The following LIMS1 variants were observed in gnomAD, a reference collection of about 807,000 sequenced individuals.
LIMS1 encodes the protein LIM and senescent cell antigen-like-containing domain protein 1.
LIMS1 carries 18 observed loss-of-function variants against 44.1 expected under a neutral mutation model. The ratio of observed to expected loss-of-function variants is 0.41; its 90% CI spans 0.28 to 0.61. The LOEUF is 0.61. Among genes scored for constraint, LIMS1 ranks in the 20% least tolerant of loss-of-function variants. LIMS1 has a pLI of 0.32. For synonymous variants in LIMS1, 93 were observed against 149.1 expected, an observed-to-expected ratio of 0.62 and a Z score of 2.74; for missense variants, 201 against 422.0, an observed-to-expected ratio of 0.48 and a Z score of 4.59.
At chr2:108,647,736 C>G (rs1690173666) in intron 1 of LIMS1, among the ~76,000 whole-genome samples, 1 of 152,156 alleles carries the variant, frequency 6.6e-6, no homozygotes, top group Non-Finnish European at 1.5e-5. Context: ...TCAATAGATG[C>G]ACAAAAGGCC....
intron 1 of LIMS1, among the ~76,000 whole-genome samples, chr2:108,629,907 T>C (rs4676203): frequency 0.41 from 62,674 of 152,016 alleles, 14,878 homozygotes; most frequent in East Asian, 0.94. Flanking sequence ...GAAAACCAGG[T>C]GAAGGCCAGG....
intron 1 of LIMS1, among the ~76,000 whole-genome samples, chr2:108,560,849 A>G (rs1335834472): frequency 6.6e-6 from 1 of 152,160 alleles, no homozygotes; most frequent in Non-Finnish European, 1.5e-5. Flanking sequence ...ATTAATTTTA[A>G]AAACTCTTAA....
At chr2:108,549,526 CT>C (rs1347283562) in intron 1 of LIMS1, among the ~76,000 whole-genome samples, 1 of 151,696 alleles carries the variant, frequency 6.6e-6, no homozygotes, top group African/African-American at 2.4e-5. Flanking sequence ...ACAGTGTTTG[CT>C]TTCTCCATTA....
chr2:108,647,814 C>T (rs902228417), intron 1 of LIMS1, among the ~76,000 whole-genome samples: 3 of 152,114 alleles, frequency 2.0e-5, no homozygotes, highest in Non-Finnish European at 2.9e-5. Flanking sequence ...GAATGTATCT[C>T]AAAATAATAA....
chr2:108,610,650 A>G (rs952125422), intron 1 of LIMS1, among the ~76,000 whole-genome samples: 1 of 152,162 alleles, frequency 6.6e-6, no homozygotes, highest in Non-Finnish European at 1.5e-5. Context: ...AAATGTCCTC[A>G]CTTGTCCCAA....
At chr2:108,558,107 A>G (rs892218438) in intron 1 of LIMS1, among the ~76,000 whole-genome samples, 3 of 152,242 alleles carry the variant, frequency 2.0e-5, no homozygotes, top group African/African-American at 4.8e-5. Context: ...TTCCTGTTAC[A>G]GTATCTTTGA....
At chr2:108,564,779 G>T (rs976132953) in intron 1 of LIMS1, among the ~76,000 whole-genome samples, 7 of 152,098 alleles carry the variant, frequency 4.6e-5, no homozygotes, top group Admixed American at 1.3e-4. Flanking sequence ...GTCATGTTAG[G>T]GCTGAAGCTG....
At chr2:108,681,890 C>CAA (rs1168776329) in intron 9 of LIMS1, among the ~76,000 whole-genome samples, 2 of 122,330 alleles carry the variant, frequency 1.6e-5, no homozygotes, top group African/African-American at 6.2e-5. Flanking sequence ...GACTCTGTCT[C>CAA]AAAAAAAAAA....
chr2:108,597,622 T>A (rs1210379995), intron 1 of LIMS1, among the ~76,000 whole-genome samples: 16 of 151,390 alleles, frequency 1.1e-4, no homozygotes, highest in African/African-American at 3.1e-4. Context: ...TCTACCTGCA[T>A]AACTAAAAGA....
At chr2:108,670,177 G>T (rs1319288053) in intron 2 of LIMS1, among the ~76,000 whole-genome samples, 3 of 152,122 alleles carry the variant, frequency 2.0e-5, no homozygotes, top group Non-Finnish European at 4.4e-5. Flanking sequence ...TTTTTTAATG[G>T]ATTTTGGTCA....
Position 108,659,131 on chromosome 2 carries a change from G to A in LIMS1, c.33-474G>A, listed in dbSNP as rs555559115. The A allele has an allele frequency of 1.7e-4, 170 of 981,186 alleles. 6 individuals are homozygous for A. The African/African-American group carries it at 2.8e-3, about 16-fold the overall frequency. The allele number at this position is 981,186 out of a possible 1,614,324, so 60.8% of individuals were successfully genotyped here. ...TTGTTTTCCACAGGATTTAATCAAAGGGATAACCCGTGTCTAGGTTATATG... is the reference window on the plus strand; with the variant it reads ...TTGTTTTCCACAGGATTTAATCAAAAGGATAACCCGTGTCTAGGTTATATG... On this transcript the variant is annotated intron_variant, in intron 1 of 9. Transcript: ENST00000544547.
chr2:108,652,744 G>A (rs1339377765), intron 1 of LIMS1, among the ~76,000 whole-genome samples: 1 of 152,176 alleles, frequency 6.6e-6, no homozygotes, highest in Non-Finnish European at 1.5e-5. Flanking sequence ...GGGAGACTGT[G>A]AGGGAGAATT....
chr2:108,677,209 GAA>G (rs1692629239), intron 7 of LIMS1: 1 of 153,056 alleles, frequency 6.5e-6, no homozygotes, highest in African/African-American at 2.4e-5. Context: ...CTTAAATCTG[GAA>G]CGTTTCCAGA....
intron 1 of LIMS1, among the ~76,000 whole-genome samples, chr2:108,563,765 C>T (rs12476551): frequency 0.39 from 58,952 of 151,834 alleles, 12,919 homozygotes; most frequent in East Asian, 0.9. Flanking sequence ...ACTTCAATTT[C>T]GAATGTTCTA....
intron 1 of LIMS1, among the ~76,000 whole-genome samples, chr2:108,606,565 A>G (rs1687276854): frequency 6.6e-6 from 1 of 152,250 alleles, no homozygotes; most frequent in South Asian, 2.1e-4. Flanking sequence ...ACTGAATTCA[A>G]CCATTCAAGA....
At chr2:108,578,587 ATTTTTTTT>A (rs575139291) in intron 1 of LIMS1, among the ~76,000 whole-genome samples, 14 of 100,792 alleles carry the variant, frequency 1.4e-4, no homozygotes, top group Admixed American at 9.1e-4. Context: ...AATGTAAATA[ATTTTTTTT>A]TTTTTTTTTT....
intron 1 of LIMS1, among the ~76,000 whole-genome samples, chr2:108,586,169 A>AG (rs1558797758): frequency 1.4e-4 from 21 of 152,076 alleles, no homozygotes; most frequent in Non-Finnish European, 4.4e-5. Flanking sequence ...TCCAGCCTGG[A>AG]CGACAGAGCG....
intron 1 of LIMS1, among the ~76,000 whole-genome samples, chr2:108,580,710 T>A (rs1388783384): frequency 6.6e-6 from 1 of 152,062 alleles, no homozygotes; most frequent in African/African-American, 2.4e-5. Context: ...TTGGGAGGTG[T>A]GTGAGGATGA....
At chr2:108,534,730 C>A in intron 1 of LIMS1, 136 bp downstream of exon 1, 1 of 309,694 alleles carries the variant, frequency 3.2e-6, no homozygotes, top group Non-Finnish European at 4.7e-6. Flanking sequence ...GCCGGAGCCC[C>A]GACCCCCAGC....
Sources: gnomAD v4.1 joint callset for allele counts (sites outside exome capture counted in the v4.1 genomes callset) on GRCh38, gnomAD v4.1.1 for gene constraint, MANE v1.5 for transcripts, NCBI Gene and HGNC (gene_info 2026-07-23, HGNC 2026-07-21) for gene names.